ZFHX3: variants seen among roughly 807,000 people sequenced by gnomAD.
ZFHX3 encodes the protein zinc finger homeobox protein 3.
A neutral mutation model predicts 279.1 loss-of-function variants in ZFHX3; 42 were observed. The ratio of observed to expected loss-of-function variants is 0.15; its 90% CI spans 0.12 to 0.19. The LOEUF (loss-of-function observed/expected upper bound fraction) is 0.19, where lower values mean the gene tolerates loss of function less well. ZFHX3 is among the 10% of genes least tolerant of loss of function. ZFHX3 has a pLI of 1.00. For missense variants in ZFHX3, 4,981 were observed against 4,754.0 expected, an observed-to-expected ratio of 1.05 and a Z score of -1.40; for synonymous variants, 2,293 against 1,957.8, an observed-to-expected ratio of 1.17 and a Z score of -4.52.
At chr16:73,623,963 T>A (rs778467361) in intron 2 of ZFHX3, among the ~76,000 whole-genome samples, 1 of 152,252 alleles carries the variant, frequency 6.6e-6, no homozygotes, top group Non-Finnish European at 1.5e-5. Flanking sequence ...TTGGGCTCAT[T>A]TGAAACATTC....
chr16:72,971,878 ATTTTTTTT>A (rs34508228), intron 1 of ZFHX3, among the ~76,000 whole-genome samples: 15,585 of 96,048 alleles, frequency 0.16, 1,023 homozygotes, highest in East Asian at 0.4. Flanking sequence ...CTGCCTATTA[ATTTTTTTT>A]TTTTTTTTTT....
At chr16:72,903,583 C>T (rs934957676) in intron 3 of ZFHX3, among the ~76,000 whole-genome samples, 10 of 152,258 alleles carry the variant, frequency 6.6e-5, no homozygotes, top group Non-Finnish European at 1.5e-4. Context: ...AGAGGAGGAA[C>T]TATTATTCTA....
intron 1 of ZFHX3, among the ~76,000 whole-genome samples, chr16:73,844,844 T>G (rs1183187624): frequency 1.4e-5 from 2 of 146,242 alleles, no homozygotes; most frequent in African/African-American, 5.4e-5. Flanking sequence ...TGGATGGGAT[T>G]GATAGATGGA....
At chr16:73,515,354 T>TGGCA (rs1183361919) in intron 2 of ZFHX3, among the ~76,000 whole-genome samples, 2 of 151,930 alleles carry the variant, frequency 1.3e-5, no homozygotes, top group East Asian at 3.9e-4. Flanking sequence ...TGTAAAGGGA[T>TGGCA]CCCTTAGTCA....
chr16:72,811,974 G>A lies in ZFHX3; in HGVS notation c.3594C>T (p.Phe1198=), dbSNP rs758096333. The A allele has an allele frequency of 1.2e-6, 2 of 1,614,196 alleles. No homozygotes were observed. Among genetic ancestry groups the A allele is most frequent in the East Asian group, 2.2e-5 (1 of 44,876 alleles). Reference sequence around the variant, plus strand: ...AGAGGGGAGACTCTGAGCTACCTGGGAAGGAGATGCGTTTGGAGGTTGCAG... The same window carrying A: ...AGAGGGGAGACTCTGAGCTACCTGGAAAGGAGATGCGTTTGGAGGTTGCAG... ...DSPATSKRIS[F]PGSSESPLSS... The change falls in exon 6 of 10, where the codon TTC becomes TTT. Residue 1198 remains phenylalanine (F), a synonymous_variant. Transcript: ENST00000268489.
intron 3 of ZFHX3, among the ~76,000 whole-genome samples, chr16:72,929,488 A>T (rs1959672456): frequency 6.6e-6 from 1 of 152,202 alleles, no homozygotes; most frequent in African/African-American, 2.4e-5. Context: ...TCTTTTCATC[A>T]TTACATGAGA....
intron 2 of ZFHX3, among the ~76,000 whole-genome samples, chr16:73,503,531 G>C (rs1205637722): frequency 2.6e-5 from 4 of 152,166 alleles, no homozygotes; most frequent in Admixed American, 6.5e-5. Context: ...ATTGACAGCT[G>C]CACATCCATT....
chr16:73,701,835 T>A (rs1054548359), intron 1 of ZFHX3, among the ~76,000 whole-genome samples: 1 of 151,732 alleles, frequency 6.6e-6, no homozygotes, highest in African/African-American at 2.4e-5. Flanking sequence ...CAAAAGATAA[T>A]GTTGCAGATA....
intron 3 of ZFHX3, among the ~76,000 whole-genome samples, chr16:72,949,544 C>T (rs910051159): frequency 1.3e-5 from 2 of 151,978 alleles, no homozygotes; most frequent in East Asian, 1.9e-4. Flanking sequence ...TTACAGTATC[C>T]GGAGCACCTC....
chr16:73,624,672 G>A (rs779215051), intron 2 of ZFHX3, among the ~76,000 whole-genome samples: 1 of 151,464 alleles, frequency 6.6e-6, no homozygotes, highest in Non-Finnish European at 1.5e-5. Context: ...AGAAAGCAGC[G>A]AAATATGCCG....
intron 1 of ZFHX3, among the ~76,000 whole-genome samples, chr16:73,054,115 C>A (rs1965501968): frequency 1.3e-5 from 2 of 152,220 alleles, no homozygotes; most frequent in South Asian, 4.1e-4. Flanking sequence ...CTACTGCCCC[C>A]TCTGCTGATC....
chr16:73,737,303 C>T (rs913908140), intron 1 of ZFHX3, among the ~76,000 whole-genome samples: 7 of 152,166 alleles, frequency 4.6e-5, no homozygotes, highest in Non-Finnish European at 8.8e-5. Flanking sequence ...TCTCAAAATG[C>T]TGGAATTACA....
rs117864512 is a variant in ZFHX3, at chr16:73,716,043, C to T, written c.-1607-35803G>A. On this transcript the variant is annotated intron_variant, in intron 1 of 17. Transcript: ENST00000641206. Reference sequence around the variant, plus strand: ...ATTGTTTGAAAAATTATTTTATTGACGTCTTTTGTCTATTTCCATCAACTT... The same window carrying T: ...ATTGTTTGAAAAATTATTTTATTGATGTCTTTTGTCTATTTCCATCAACTT... Among the ~76,000 whole-genome samples, 22 of 152,176 alleles carry T rather than the reference C, an allele frequency of 1.4e-4. No homozygotes were observed. The East Asian group carries it at 1.9e-3, about 13-fold the overall frequency.
rs376829658 is a variant in ZFHX3 at position 73,864,406 on chromosome 16, C to A, written c.-1608+27245G>T. On this transcript the variant is annotated intron_variant, in intron 1 of 17. Transcript: ENST00000641206. Reference sequence around the variant, plus strand: ...CAGAGGTTAGAGTGGAACAAACATTCACAAAATACTTGGGGAAAATAAAAT... The same window carrying A: ...CAGAGGTTAGAGTGGAACAAACATTAACAAAATACTTGGGGAAAATAAAAT... Among the ~76,000 whole-genome samples, 7 of 152,276 alleles carry A rather than the reference C, an allele frequency of 4.6e-5. No individual in the cohort carries two copies. In the East Asian group the frequency reaches 9.7e-4, roughly 21 times the overall value.
At chr16:73,679,881 C>T (rs1316833351) in intron 2 of ZFHX3, 1 of 152,194 alleles carries the variant, frequency 6.6e-6, no homozygotes, top group African/African-American at 2.4e-5. Flanking sequence ...AAATCTTTAG[C>T]AACAGGATTC....
At position 72,873,068 on chromosome 16, in the gene ZFHX3, G is replaced by A. The variant is rs1417035261; in HGVS notation, c.3448+16663C>T. 3.3e-5 allele frequency among the ~76,000 whole-genome samples: 5 copies of A among 152,184 alleles called. No homozygotes were observed. The South Asian group carries it at 6.2e-4, about 19-fold the overall frequency. On this transcript the variant is annotated intron_variant, in intron 4 of 9. Coordinates refer to ENST00000268489, the MANE Select transcript of ZFHX3 (RefSeq NM_006885.4). Reference sequence around the variant, plus strand: ...TTCAGTCCAGGAATTCCTCACCCTCGAAGGCCCAGAGTATTTACTTCCTGT... The same window carrying A: ...TTCAGTCCAGGAATTCCTCACCCTCAAAGGCCCAGAGTATTTACTTCCTGT...
At chr16:73,448,984 G>A (rs1447432674) in intron 3 of ZFHX3, among the ~76,000 whole-genome samples, 1 of 152,134 alleles carries the variant, frequency 6.6e-6, no homozygotes, top group African/African-American at 2.4e-5. Flanking sequence ...TAAAGAACAA[G>A]GAAGTATGTT....
chr16:73,858,915 C>T (rs984753116), intron 1 of ZFHX3, among the ~76,000 whole-genome samples: 1 of 152,186 alleles, frequency 6.6e-6, no homozygotes, highest in Non-Finnish European at 1.5e-5. Flanking sequence ...ACTAACCACG[C>T]ACCATCTTCC....
intron 3 of ZFHX3, among the ~76,000 whole-genome samples, chr16:73,375,245 G>C (rs972386793): frequency 1.2e-4 from 18 of 152,080 alleles, no homozygotes; most frequent in Non-Finnish European, 2.2e-4. Context: ...TGAAATTCAT[G>C]GTAGTTATTT....
Sources: gnomAD v4.1 joint callset for allele counts (sites outside exome capture counted in the v4.1 genomes callset) on GRCh38, gnomAD v4.1.1 for gene constraint, MANE v1.5 for transcripts, NCBI Gene and HGNC (gene_info 2026-07-23, HGNC 2026-07-21) for gene names.